FERMT1: variants seen among roughly 807,000 people sequenced by gnomAD.
FERMT1 encodes fermitin family homolog 1.
In FERMT1, 60 loss-of-function variants were observed where a neutral mutation model predicts 85.3. The observed-to-expected ratio is 0.70, with a 90% CI of 0.57 to 0.87. The LOEUF is 0.87. Among genes scored for constraint, FERMT1 ranks in the 40% least tolerant of loss-of-function variants. FERMT1 has a pLI of 0.00. For missense variants in FERMT1, 701 were observed against 818.9 expected (o/e 0.86, Z 1.76); for synonymous variants, 275 against 301.1 (o/e 0.91, Z 0.90).
chr20:6,107,064 C>T (rs545111287), intron 6 of FERMT1, among the ~76,000 whole-genome samples: 1 of 152,234 alleles, frequency 6.6e-6, no homozygotes, highest in African/African-American at 2.4e-5. Flanking sequence ...GGCATGGTTG[C>T]ATGAGCCTGT....
chr20:6,098,564 A>C (rs1003299059), intron 6 of FERMT1, among the ~76,000 whole-genome samples: 2 of 151,154 alleles, frequency 1.3e-5, no homozygotes, highest in Non-Finnish European at 2.9e-5. Flanking sequence ...ATATAAATTT[A>C]ATATAAAATA....
chr20:6,119,410 G>A lies in FERMT1; in HGVS notation c.145C>T (p.Gln49Ter). Reference sequence around the variant, plus strand: ...TAAAGCAAGAGTAACTTACTGATCTGTTCTACTAACTTGAGCATCACTCCT... The same window carrying A: ...TAAAGCAAGAGTAACTTACTGATCTATTCTACTAACTTGAGCATCACTCCT... ...VGGVMLKLVE[Q>*]INISQDWSDF... Residue 49 changes from glutamine (Q) to a stop codon, truncating the protein, a stop_gained, in exon 2 of 15, where the codon CAG becomes TAG. Coordinates refer to ENST00000217289, the MANE Select transcript of FERMT1 (RefSeq NM_017671.5). LOFTEE classifies it high-confidence loss of function. 6.2e-7 allele frequency: 1 copy of A among 1,614,054 alleles called. No individual in the cohort carries two copies.
intron 6 of FERMT1, among the ~76,000 whole-genome samples, chr20:6,100,279 A>G (rs1158493689): frequency 6.6e-6 from 1 of 152,256 alleles, no homozygotes; most frequent in Non-Finnish European, 1.5e-5. Context: ...AAAATATGAT[A>G]CATGCTACAA....
intron 13 of FERMT1, 32 bp downstream of exon 13, chr20:6,084,008 A>T (rs1982088114): frequency 6.2e-7 from 1 of 1,613,796 alleles, no homozygotes; most frequent in Non-Finnish European, 8.5e-7. Flanking sequence ...ATTGAATGGA[A>T]AGTGTGAGAA....
chr20:6,089,392 G>A (rs889318198), intron 9 of FERMT1, among the ~76,000 whole-genome samples: 2 of 152,136 alleles, frequency 1.3e-5, no homozygotes, highest in Non-Finnish European at 2.9e-5. Context: ...GGGGACCGTC[G>A]TAGTCTGGGA....
At chr20:6,082,775 C>T (rs1982034986) in intron 13 of FERMT1, among the ~76,000 whole-genome samples, 3 of 152,284 alleles carry the variant, frequency 2.0e-5, no homozygotes, top group South Asian at 4.1e-4. Context: ...AGTGCCTCAG[C>T]CTCCTGAGTA....
intron 1 of FERMT1, among the ~76,000 whole-genome samples, chr20:6,121,899 C>T (rs967986999): frequency 1.3e-5 from 2 of 152,232 alleles, no homozygotes; most frequent in African/African-American, 4.8e-5. Context: ...ACAAATCTTG[C>T]GCAGTGAGGA....
intron 14 of FERMT1, among the ~76,000 whole-genome samples, chr20:6,078,557 C>A (rs188046556): frequency 6.6e-6 from 1 of 152,016 alleles, no homozygotes; most frequent in Admixed American, 6.5e-5. Flanking sequence ...TCACTGTAAC[C>A]TCGAACCTCA....
rs538757728 is a variant in FERMT1, at chr20:6,119,467, T to G, written c.88A>C (p.Thr30Pro). Residue 30 changes from threonine (T) to proline (P), a missense_variant, in exon 2 of 15, where the codon ACA becomes CCA. By Grantham distance (38) the Thr-to-Pro change is conservative. Coordinates refer to ENST00000217289, the MANE Select transcript of FERMT1 (RefSeq NM_017671.5). ...TGAAGGTCTCCAGATACTCTCAGTG[T>G]GACGTCTTTCTGCTGCTCTTCATTG... ...HPNEEQQKDV[T>P]LRVSGDLHVG... 5 of 1,614,192 alleles carry G rather than the reference T, an allele frequency of 3.1e-6. No homozygotes were observed. The South Asian group carries it at 4.4e-5, about 14-fold the overall frequency.
chr20:6,098,807 G>A (rs1982576872), intron 6 of FERMT1, among the ~76,000 whole-genome samples: 2 of 152,126 alleles, frequency 1.3e-5, no homozygotes, highest in Non-Finnish European at 2.9e-5. Flanking sequence ...CTAAAAGACA[G>A]GTAATAACCA....
intron 5 of FERMT1, among the ~76,000 whole-genome samples, chr20:6,109,404 A>AG (rs1433823781): frequency 6.2e-4 from 94 of 152,360 alleles, no homozygotes; most frequent in African/African-American, 2.1e-3. Context: ...CCCAGGCGGC[A>AG]CGGGGCCATG....
At position 6,112,485 on chromosome 20, in the gene FERMT1, C is replaced by A. The variant is rs755393121; in HGVS notation, c.524G>T (p.Gly175Val). The A allele has an allele frequency of 5.6e-6, 9 of 1,613,664 alleles. No homozygotes were observed. Among genetic ancestry groups the A allele is most frequent in the African/African-American group, 2.7e-5 (2 of 74,914 alleles). Reference sequence around the variant, plus strand: ...CCTGTAACAAGTCTTACCTGATGAACCTGAAGCTGTTGGAGAACTCTCCAG... The same window carrying A: ...CCTGTAACAAGTCTTACCTGATGAAACTGAAGCTGTTGGAGAACTCTCCAG... Reference protein sequence around the residue: ...LNLESSPTASGSSVSPGLYSK... With the variant: ...LNLESSPTASVSSVSPGLYSK... The change falls in exon 4 of 15, where the codon GGT becomes GTT. Residue 175 changes from glycine to valine, a missense_variant. Physicochemically the swap from Gly to Val is moderately radical, Grantham distance 109 (BLOSUM62 -3). Transcript: ENST00000217289.
chr20:6,117,247 A>AT (rs1177710092), intron 2 of FERMT1, among the ~76,000 whole-genome samples: 1 of 151,896 alleles, frequency 6.6e-6, no homozygotes, highest in Non-Finnish European at 1.5e-5. Flanking sequence ...TCTTTAAATG[A>AT]TTTTTTCTTT....
rs374779394 is a variant in FERMT1 at position 6,110,288 on chromosome 20, G to A, written c.746+10C>T. On this transcript the variant is annotated intron_variant, in intron 5 of 14. Transcript: ENST00000217289. ...AGCTCAGAGAGAAGTAAAAGGAGCC[G>A]TGTCCTTACCCTGCATTGAGCTTGG... The A allele has an allele frequency of 3.5e-5, 57 of 1,605,822 alleles. No individual in the cohort carries two copies. The highest frequency in any genetic ancestry group is 1.0e-4 in the Admixed American group (6 of 59,904).
At position 6,076,339 on chromosome 20, in the gene FERMT1, C is replaced by T. The variant is rs1981819763; in HGVS notation, c.*834G>A. 3 of 444,406 alleles carry T rather than the reference C, an allele frequency of 6.8e-6. No homozygotes were observed. The highest frequency in any genetic ancestry group is 6.6e-5 in the East Asian group (1 of 15,052). The allele number at this position is 444,406 out of a possible 1,614,324, so 27.5% of individuals were successfully genotyped here. A position where few individuals can be genotyped will look rare whatever the true frequency, so the allele number is the denominator to read the frequency against. ...GAACAGAGAGGACTGTGCCTGTCTTCCTGAATCCCAACCCAGAGTAGAAGC... is the reference window on the plus strand; with the variant it reads ...GAACAGAGAGGACTGTGCCTGTCTTTCTGAATCCCAACCCAGAGTAGAAGC... On this transcript the variant is annotated 3_prime_UTR_variant, in exon 15 of 15. Coordinates refer to ENST00000217289, the MANE Select transcript of FERMT1 (RefSeq NM_017671.5).
intron 9 of FERMT1, 31 bp from the exon 10 acceptor site, chr20:6,089,120 C>T: frequency 6.2e-7 from 1 of 1,604,738 alleles, no homozygotes; most frequent in Non-Finnish European, 8.5e-7. Context: ...AATGTTTAAA[C>T]CACCACCCAG....
rs1371897148 is a variant in FERMT1, at chr20:6,097,532, C to A, written c.949G>T (p.Ala317Ser). 4 of 1,610,946 alleles carry A rather than the reference C, an allele frequency of 2.5e-6. No homozygotes were observed. The highest frequency in any genetic ancestry group is 3.4e-6 in the Non-Finnish European group (4 of 1,177,238). ...TACTGAAGTTCCCATACCTGTAGAG[C>A]TGCAAAGATCAACATTTCTTCCTCT... ...CTEEEMLIFAALQYHISKLSL... is the reference protein window; with the variant it reads ...CTEEEMLIFASLQYHISKLSL... The change falls in exon 7 of 15, where the codon GCT becomes TCT. Residue 317 changes from alanine (A) to serine (S), a missense_variant. Physicochemically the swap from Ala to Ser is moderately conservative, Grantham distance 99 (BLOSUM62 1). Transcript: ENST00000217289.
rs150248382 is a variant in FERMT1, at chr20:6,107,546, C to T, written c.835G>A (p.Asp279Asn). The part of the protein sequence containing the change: ...LLRFKYYSFF[D>N]LNPKYDAVRI... Reference sequence around the variant, plus strand: ...AAGTTGCTTACTTTAGGATTCAAGTCGAAGAAAGAATAATATTTAAATCGT... The same window carrying T: ...AAGTTGCTTACTTTAGGATTCAAGTTGAAGAAAGAATAATATTTAAATCGT... The change falls in exon 6 of 15, where the codon GAC becomes AAC. Residue 279 changes from aspartate to asparagine, a missense_variant. By Grantham distance (23) the Asp-to-Asn change is conservative (BLOSUM62 1). Transcript: ENST00000217289. 18 of 1,607,538 alleles carry T rather than the reference C, an allele frequency of 1.1e-5. No individual in the cohort carries two copies. Among genetic ancestry groups the T allele is most frequent in the Admixed American group, 5.0e-5 (3 of 59,912 alleles).
intron 6 of FERMT1, among the ~76,000 whole-genome samples, chr20:6,101,511 A>C (rs1982657357): frequency 6.6e-6 from 1 of 152,240 alleles, no homozygotes; most frequent in Non-Finnish European, 1.5e-5. Flanking sequence ...AATCTATTCA[A>C]AAATATGTTT....
Sources: allele counts gnomAD v4.1 joint callset (sites outside exome capture counted in the v4.1 genomes callset), GRCh38; gene constraint gnomAD v4.1.1; transcripts MANE v1.5; gene names NCBI Gene and HGNC (gene_info 2026-07-23, HGNC 2026-07-21).